The following RGS6 variants were observed in gnomAD, a reference collection of about 807,000 sequenced individuals.
RGS6 encodes regulator of G-protein signaling 6.
In RGS6, 30 loss-of-function variants were observed where a neutral mutation model predicts 78.5. The observed-to-expected ratio is 0.38, with a 90% CI of 0.29 to 0.52. The LOEUF is 0.52. Ranked by LOEUF, RGS6 falls within the 20% of genes least tolerant of loss-of-function variation. RGS6 has a pLI of 0.85. For missense variants in RGS6, 495 were observed against 609.7 expected, an observed-to-expected ratio of 0.81 and a Z score of 1.98; for synonymous variants, 206 against 206.0, an observed-to-expected ratio of 1.00 and a Z score of 0.00.
intron 2 of RGS6, among the ~76,000 whole-genome samples, chr14:72,226,200 CTG>C (rs1333443374): frequency 2.0e-5 from 3 of 152,174 alleles, no homozygotes; most frequent in African/African-American, 7.2e-5. Context: ...AAGGAAAAAA[CTG>C]AAAATACCAC....
intron 17 of RGS6, among the ~76,000 whole-genome samples, chr14:72,554,467 C>T (rs1567121179): frequency 6.6e-6 from 1 of 152,214 alleles, no homozygotes. Flanking sequence ...AAAGTAGCAT[C>T]AACTTGTTGC....
At chr14:72,069,562 C>G (rs765222864) in intron 2 of RGS6, among the ~76,000 whole-genome samples, 1 of 151,454 alleles carries the variant, frequency 6.6e-6, no homozygotes, top group Non-Finnish European at 1.5e-5. Context: ...TTTTTCAAGA[C>G]AGGGTCACAT....
chr14:71,894,705 G>A, the RGS6 span, among the ~76,000 whole-genome samples: 1 of 152,164 alleles, frequency 6.6e-6, no homozygotes, highest in Non-Finnish European at 1.5e-5. Context: ...TACCTAAAAG[G>A]ACAGAAAACT....
intron 2 of RGS6, among the ~76,000 whole-genome samples, chr14:72,314,183 C>T (rs534172342): frequency 3.3e-5 from 5 of 152,176 alleles, no homozygotes; most frequent in South Asian, 2.1e-4. Flanking sequence ...TGTCTGTGTT[C>T]GGGGTTGGAA....
intron 2 of RGS6, among the ~76,000 whole-genome samples, chr14:72,274,999 A>T (rs1317770863): frequency 6.6e-6 from 1 of 152,166 alleles, no homozygotes. Flanking sequence ...CTTCAATGAA[A>T]CACTTACCTC....
chr14:72,310,597 A>T (rs2068361304), intron 2 of RGS6, among the ~76,000 whole-genome samples: 1 of 152,242 alleles, frequency 6.6e-6, no homozygotes, highest in Non-Finnish European at 1.5e-5. Context: ...AAGTCTTGAC[A>T]AGATACAATT....
At chr14:72,016,909 C>T (rs1196332153) in intron 2 of RGS6, among the ~76,000 whole-genome samples, 1 of 152,218 alleles carries the variant, frequency 6.6e-6, no homozygotes, top group African/African-American at 2.4e-5. Flanking sequence ...CCTGGGTCTT[C>T]TCATCTACAA....
chr14:72,195,474 A>G (rs2039861697), intron 2 of RGS6, among the ~76,000 whole-genome samples: 1 of 152,192 alleles, frequency 6.6e-6, no homozygotes, highest in Admixed American at 6.5e-5. Flanking sequence ...GAGTGGAGAG[A>G]GAAAAAAGAG....
intron 2 of RGS6, among the ~76,000 whole-genome samples, chr14:72,268,995 G>A (rs1422025350): frequency 6.6e-6 from 1 of 152,114 alleles, no homozygotes; most frequent in African/African-American, 2.4e-5. Context: ...TCAGTCAGTG[G>A]CAGTGCCATC....
chr14:72,598,161 A>G, the RGS6 span, among the ~76,000 whole-genome samples: 1 of 152,222 alleles, frequency 6.6e-6, no homozygotes, highest in African/African-American at 2.4e-5. Context: ...TCTTCCAGAT[A>G]ACACTGAACC....
intron 2 of RGS6, among the ~76,000 whole-genome samples, chr14:72,138,681 C>T (rs2096490002): frequency 6.6e-6 from 1 of 151,972 alleles, no homozygotes; most frequent in African/African-American, 2.4e-5. Flanking sequence ...CTCATATTTC[C>T]ACCTGAGTTC....
intron 2 of RGS6, among the ~76,000 whole-genome samples, chr14:72,271,064 C>T (rs561148645): frequency 1.3e-5 from 2 of 152,180 alleles, no homozygotes; most frequent in African/African-American, 4.8e-5. Context: ...AGAGAAGCAG[C>T]ATCAGCCATG....
chr14:72,345,285 C>A (rs912092748), intron 2 of RGS6, among the ~76,000 whole-genome samples: 2 of 152,194 alleles, frequency 1.3e-5, no homozygotes, highest in Non-Finnish European at 2.9e-5. Flanking sequence ...CAGCACCACA[C>A]ACATATGGAC....
chr14:72,113,911 T>A (rs1276155784), intron 2 of RGS6, among the ~76,000 whole-genome samples: 1 of 152,180 alleles, frequency 6.6e-6, no homozygotes, highest in Non-Finnish European at 1.5e-5. Context: ...GGGACAATAA[T>A]GCAATCTGCA....
intron 1 of RGS6, among the ~76,000 whole-genome samples, chr14:71,958,643 C>G (rs551474604): frequency 5.5e-5 from 4 of 73,042 alleles, no homozygotes; most frequent in African/African-American, 1.9e-4. Context: ...TGCCTTAATA[C>G]ATGGGAAGCT....
intron 2 of RGS6, among the ~76,000 whole-genome samples, chr14:72,062,796 A>G (rs76574492): frequency 0.032 from 4,900 of 152,234 alleles, 108 homozygotes; most frequent in South Asian, 0.073. Flanking sequence ...GGATAGGTGG[A>G]TTTGAATCCA....
rs555981670 is a variant in RGS6, at chr14:72,278,130, G to T, written c.85-73965G>T. ...GTACAAGTGGGGGCCAGAGAGAGGG[G>T]CTTTACAGATTATTCGGGTGTTTGA... On this transcript the variant is annotated intron_variant, in intron 2 of 17. Coordinates refer to ENST00000553525, the MANE Select transcript of RGS6 (RefSeq NM_001204424.2). Among the ~76,000 whole-genome samples, 7 of 152,206 alleles carry T rather than the reference G, an allele frequency of 4.6e-5. No homozygotes were observed. The East Asian group carries it at 9.7e-4, about 21-fold the overall frequency.
chr14:72,241,723 T>C (rs2153825628), intron 2 of RGS6, among the ~76,000 whole-genome samples: 1 of 152,374 alleles, frequency 6.6e-6, no homozygotes, highest in African/African-American at 2.4e-5. Flanking sequence ...AAATAAATAT[T>C]TGAGAGTACC....
intron 12 of RGS6, among the ~76,000 whole-genome samples, chr14:72,494,043 A>G (rs1012246): frequency 0.67 from 102,394 of 152,092 alleles, 34,965 homozygotes; most frequent in East Asian, 0.96. Context: ...CATCAAGTCT[A>G]TAGAGCAAAT....
Sources: allele counts gnomAD v4.1 joint callset (sites outside exome capture counted in the v4.1 genomes callset), GRCh38; gene constraint gnomAD v4.1.1; transcripts MANE v1.5; gene names NCBI Gene and HGNC (gene_info 2026-07-23, HGNC 2026-07-21).